The following MCM9 variants were observed in gnomAD, a reference collection of about 807,000 sequenced individuals.
MCM9 encodes the protein minichromosome maintenance 9 homologous recombination repair factor.
Under a neutral mutation model 72.8 loss-of-function variants are expected in MCM9, and 55 were observed. The ratio of observed to expected loss-of-function variants is 0.76; its 90% CI spans 0.61 to 0.95. The LOEUF (loss-of-function observed/expected upper bound fraction) is 0.95. MCM9 is among the 40% of genes least tolerant of loss of function. The pLI, the probability that MCM9 is intolerant of heterozygous loss-of-function variation, is 0.00. For missense variants in MCM9, 1,279 were observed against 1,377.0 expected (o/e 0.93, Z 1.13); for synonymous variants, 480 against 503.4 (o/e 0.95, Z 0.62).
chr6:118,818,220 T>C (rs539363507), intron 13 of MCM9, among the ~76,000 whole-genome samples: 60 of 152,350 alleles, frequency 3.9e-4, no homozygotes, highest in Admixed American at 1.7e-3. Context: ...ATGTCCTGAA[T>C]GGTACTGCCT....
intron 9 of MCM9, among the ~76,000 whole-genome samples, chr6:118,846,623 G>A (rs757608968): frequency 2.0e-5 from 3 of 151,794 alleles, no homozygotes; most frequent in East Asian, 1.9e-4. Context: ...GGCAAGAGTC[G>A]CCTGGAGTCT....
chr6:118,884,340 T>C (rs1322483558), intron 8 of MCM9, among the ~76,000 whole-genome samples: 1 of 152,124 alleles, frequency 6.6e-6, no homozygotes. Flanking sequence ...TTTCTGTATC[T>C]CAGTGAAATA....
intron 8 of MCM9, chr6:118,905,846 C>A: frequency 6.5e-7 from 1 of 1,538,182 alleles, no homozygotes; most frequent in African/African-American, 1.4e-5. Flanking sequence ...TCTTACTATT[C>A]CTTTTTAACT....
chr6:118,907,386 T>C, intron 8 of MCM9: 1 of 1,547,322 alleles, frequency 6.5e-7, no homozygotes, highest in Non-Finnish European at 8.8e-7. Context: ...ATTTGTATGT[T>C]TCCTTTTTCC....
intron 8 of MCM9, among the ~76,000 whole-genome samples, chr6:118,883,231 A>T (rs1361621770): frequency 3.9e-5 from 6 of 152,174 alleles, no homozygotes. Flanking sequence ...TAAACCTGAA[A>T]TTGCAGAAGA....
intron 8 of MCM9, among the ~76,000 whole-genome samples, chr6:118,892,419 C>G (rs1432819560): frequency 6.6e-6 from 1 of 152,164 alleles, no homozygotes; most frequent in African/African-American, 2.4e-5. Context: ...GTAACACTTA[C>G]GGTCAGACTG....
chr6:118,868,608 T>C (rs1777376682), intron 8 of MCM9, among the ~76,000 whole-genome samples: 1 of 151,858 alleles, frequency 6.6e-6, no homozygotes, highest in Non-Finnish European at 1.5e-5. Flanking sequence ...GGGCAAAGGA[T>C]ATGAACAGAC....
At chr6:118,867,424 T>G (rs150370836) in intron 8 of MCM9, among the ~76,000 whole-genome samples, 2 of 152,138 alleles carry the variant, frequency 1.3e-5, no homozygotes, top group Non-Finnish European at 2.9e-5. Context: ...AAGTGTACAG[T>G]AATGTTCTAA....
At chr6:118,918,801 T>C (rs1251590494) in intron 5 of MCM9, 1 of 152,222 alleles carries the variant, frequency 6.6e-6, no homozygotes, top group Admixed American at 6.5e-5. Flanking sequence ...TATGTGCTGA[T>C]GAAAAATGCC....
chr6:118,822,789 CCTTT>C (rs1269461469), intron 13 of MCM9, among the ~76,000 whole-genome samples: 1 of 152,204 alleles, frequency 6.6e-6, no homozygotes, highest in Admixed American at 6.5e-5. Context: ...GACTGGGGCT[CCTTT>C]CTTTCAGAGA....
rs371402290 is a variant in MCM9 at position 118,889,070 on chromosome 6, G to A, written c.1150+22580C>T. On this transcript the variant is annotated intron_variant, in intron 8 of 13. Transcript: ENST00000619706. ...GATGCTTCAAATGAGTGAATTACAT[G>A]TTATGTGAATTCTATCTCAACAAAG... 6.6e-5 allele frequency among the ~76,000 whole-genome samples: 10 copies of A among 152,220 alleles called. No individual in the cohort carries two copies. The South Asian group carries it at 2.1e-3, about 32-fold the overall frequency.
At chr6:118,891,721 G>A (rs149279727) in intron 8 of MCM9, among the ~76,000 whole-genome samples, 1,580 of 152,220 alleles carry the variant, frequency 0.01, 30 homozygotes, top group African/African-American at 0.036. Context: ...CGAATTTGGG[G>A]GAGACATAAT....
chr6:118,877,278 T>C (rs1398987066), intron 8 of MCM9, among the ~76,000 whole-genome samples: 1 of 152,170 alleles, frequency 6.6e-6, no homozygotes, highest in Non-Finnish European at 1.5e-5. Flanking sequence ...AAATTGCAGA[T>C]CTGTAAACAA....
At chr6:118,932,210 T>C (rs1486797183) in intron 2 of MCM9, among the ~76,000 whole-genome samples, 1 of 152,228 alleles carries the variant, frequency 6.6e-6, no homozygotes, top group Admixed American at 6.5e-5. Flanking sequence ...TGTACAGGTT[T>C]ATAGCCTAAG....
intron 13 of MCM9, among the ~76,000 whole-genome samples, chr6:118,817,506 T>C (rs1773488247): frequency 6.6e-6 from 1 of 152,222 alleles, no homozygotes; most frequent in African/African-American, 2.4e-5. Context: ...CCATGGTGTA[T>C]ATGTGCCACA....
chr6:118,910,631 CATTTT>C, intron 8 of MCM9: 1 of 985,176 alleles, frequency 1.0e-6, no homozygotes, highest in Non-Finnish European at 1.2e-6. Context: ...TTGTTGGTAT[CATTTT>C]ATACAGAACT....
At position 118,877,992 on chromosome 6, in the gene MCM9, T is replaced by C. The variant is rs1162392242; in HGVS notation, c.1151-21447A>G. Among the ~76,000 whole-genome samples, 3 of 152,164 alleles carry C rather than the reference T, an allele frequency of 2.0e-5. No homozygotes were observed. In the East Asian group the frequency reaches 5.8e-4, roughly 29 times the overall value. On this transcript the variant is annotated intron_variant, in intron 8 of 13. Transcript: ENST00000619706. Reference sequence around the variant, plus strand: ...GCCTGGGCAACAGAGTGAGAGTTCATCTCTACAAAAATTTAAAAAATTAGC... The same window carrying C: ...GCCTGGGCAACAGAGTGAGAGTTCACCTCTACAAAAATTTAAAAAATTAGC...
At chr6:118,841,039 C>T (rs573031399) in intron 9 of MCM9, among the ~76,000 whole-genome samples, 7 of 152,292 alleles carry the variant, frequency 4.6e-5, no homozygotes, top group Non-Finnish European at 7.4e-5. Flanking sequence ...TGAGCCACTG[C>T]GCTTGGCTCC....
At chr6:118,829,665 T>C (rs996817126) in intron 9 of MCM9, among the ~76,000 whole-genome samples, 1 of 152,180 alleles carries the variant, frequency 6.6e-6, no homozygotes, top group Non-Finnish European at 1.5e-5. Flanking sequence ...ATAGAAAAGA[T>C]GAACACAGAA....
Sources: gnomAD v4.1 joint callset for allele counts (sites outside exome capture counted in the v4.1 genomes callset) on GRCh38, gnomAD v4.1.1 for gene constraint, MANE v1.5 for transcripts, NCBI Gene and HGNC (gene_info 2026-07-23, HGNC 2026-07-21) for gene names.